SDC3: variants seen among roughly 807,000 people sequenced by gnomAD.
The protein encoded by SDC3 is syndecan 3.
SDC3 carries 13 observed loss-of-function variants against 24.4 expected under a neutral mutation model. The ratio of observed to expected loss-of-function variants is 0.53; its 90% CI spans 0.35 to 0.85. The LOEUF (loss-of-function observed/expected upper bound fraction) is 0.85, where lower values mean the gene tolerates loss of function less well. Among genes scored for constraint, SDC3 ranks in the 40% least tolerant of loss-of-function variants. The pLI is 0.01. For synonymous variants in SDC3, 295 were observed against 260.9 expected (o/e 1.13, Z -1.26); for missense variants, 571 against 584.5 (o/e 0.98, Z 0.24).
intron 3 of SDC3, among the ~76,000 whole-genome samples, chr1:30,874,988 A>G (rs181020530): frequency 6.6e-6 from 1 of 152,310 alleles, no homozygotes; most frequent in African/African-American, 2.4e-5. Flanking sequence ...CTGGGTGCAG[A>G]TGCTATGGAT....
At chr1:30,873,625 G>A (rs866449881) in intron 4 of SDC3, among the ~76,000 whole-genome samples, 2 of 152,044 alleles carry the variant, frequency 1.3e-5, no homozygotes, top group Admixed American at 6.5e-5. Context: ...GGGGTCATCT[G>A]AGGGCTTCAT....
At chr1:30,875,190 G>T (rs1427492259) in intron 3 of SDC3, among the ~76,000 whole-genome samples, 1 of 152,192 alleles carries the variant, frequency 6.6e-6, no homozygotes, top group Non-Finnish European at 1.5e-5. Context: ...AGACCAAAGT[G>T]GGGGCTGTGG....
chr1:30,874,197 T>G, intron 4 of SDC3, 100 bp downstream of exon 4: 1 of 982,164 alleles, frequency 1.0e-6, no homozygotes, highest in Non-Finnish European at 1.5e-6. Context: ...AACCACGCCC[T>G]GATCTCCTTT....
chr1:30,877,154 C>T lies in SDC3; in HGVS notation c.268G>A (p.Glu90Lys). 6.2e-7 allele frequency: 1 copy of T among 1,613,878 alleles called. No homozygotes were observed. Among genetic ancestry groups the T allele is most frequent in the African/African-American group, 1.3e-5 (1 of 75,014 alleles). Residue 90 changes from glutamate (E) to lysine (K), a missense_variant, in exon 3 of 5, where the codon GAG (glutamate) becomes AAG (lysine). Transcript: ENST00000339394. ...CGCATGGCTGTCTCAATGCCCGACTCCTGCTCGAAGTCTGAGGGGGTGGGG... is the reference window on the plus strand; with the variant it reads ...CGCATGGCTGTCTCAATGCCCGACTTCTGCTCGAAGTCTGAGGGGGTGGGG... ...SGSGSGYFEQ[E>K]SGIETAMRFS...
At chr1:30,900,346 G>C (rs992641736) in intron 1 of SDC3, among the ~76,000 whole-genome samples, 5 of 152,196 alleles carry the variant, frequency 3.3e-5, no homozygotes, top group Admixed American at 2.6e-4. Flanking sequence ...ATCTGTGCTT[G>C]TGTCTGTCTC....
In SDC3 at chr1:30,870,431, T is replaced by TC. The variant is rs992161274; in HGVS notation, c.*2779dup. 1 of 152,778 alleles carries TC rather than the reference T, an allele frequency of 6.5e-6. No homozygotes were observed. Among genetic ancestry groups the TC allele is most frequent in the African/African-American group, 2.4e-5 (1 of 41,438 alleles). 9.5% of individuals were successfully genotyped at this position (152,778 alleles called of 1,614,324 possible). On this transcript the variant is annotated 3_prime_UTR_variant, in exon 5 of 5. Coordinates refer to ENST00000339394, the MANE Select transcript of SDC3 (RefSeq NM_014654.4). ...TGCTTCCAGCAAATGCCAAAGCCCC[T>TC]CAGAACACTCCATCACAGGCAGGGG...
chr1:30,877,919 C>G (rs1022211055), intron 2 of SDC3: 2 of 152,574 alleles, frequency 1.3e-5, no homozygotes, highest in African/African-American at 4.8e-5. Flanking sequence ...GGAGCCAGCT[C>G]TGTGGCGTGC....
intron 1 of SDC3, chr1:30,880,897 A>T (rs1352016084): frequency 1.3e-5 from 2 of 151,928 alleles, no homozygotes; most frequent in African/African-American, 4.8e-5. Flanking sequence ...CCCTTAAAGG[A>T]GAACTGAATC....
In SDC3 at chr1:30,873,347, A is replaced by G; in HGVS notation, c.1193T>C (p.Leu398Pro). The G allele has an allele frequency of 1.2e-6, 2 of 1,613,914 alleles. No individual in the cohort carries two copies. The highest frequency in any genetic ancestry group is 1.7e-6 in the Non-Finnish European group (2 of 1,179,822). Residue 398 changes from leucine to proline, a missense_variant, in exon 5 of 5, where the codon CTC becomes CCC. Leu to Pro is a moderately conservative substitution (Grantham distance 98). Transcript: ENST00000339394. ...CAGTGTGACCAAGAAGGCAGCAAAGAGGGCGCCCACCACCCCGCCCACAAT... is the reference window on the plus strand; with the variant it reads ...CAGTGTGACCAAGAAGGCAGCAAAGGGGGCGCCCACCACCCCGCCCACAAT... ...AVIVGGVVGA[L>P]FAAFLVTLLI... is the part of the protein sequence containing the mutation.
At chr1:30,891,223 C>G (rs1227407588) in intron 1 of SDC3, among the ~76,000 whole-genome samples, 3 of 152,230 alleles carry the variant, frequency 2.0e-5, no homozygotes, top group African/African-American at 7.2e-5. Context: ...AATTTTAACT[C>G]AAGTCCATCT....
chr1:30,878,883 C>A (rs572578466), intron 1 of SDC3, 143 bp from the exon 2 acceptor site: 3 of 667,390 alleles, frequency 4.5e-6, no homozygotes, highest in Admixed American at 2.4e-5. Flanking sequence ...AAGGAAAGTG[C>A]GTGTGTGAAT....
chr1:30,905,384 C>T (rs1638500337), intron 1 of SDC3, among the ~76,000 whole-genome samples: 1 of 144,002 alleles, frequency 6.9e-6, no homozygotes, highest in Non-Finnish European at 1.5e-5. Flanking sequence ...CACACACACA[C>T]ACACGTCTCC....
At chr1:30,903,958 T>C (rs1198132849) in intron 1 of SDC3, among the ~76,000 whole-genome samples, 1 of 152,060 alleles carries the variant, frequency 6.6e-6, no homozygotes, top group African/African-American at 2.4e-5. Flanking sequence ...GGGTTGTGGC[T>C]CACAACTGTA....
At chr1:30,902,792 G>A (rs1042476117) in intron 1 of SDC3, among the ~76,000 whole-genome samples, 10 of 152,220 alleles carry the variant, frequency 6.6e-5, no homozygotes, top group Non-Finnish European at 1.5e-5. Context: ...GCAGCCCCCT[G>A]GCGCCTCCCA....
At chr1:30,883,041 C>T (rs1029736212) in intron 1 of SDC3, among the ~76,000 whole-genome samples, 6 of 152,162 alleles carry the variant, frequency 3.9e-5, no homozygotes, top group Non-Finnish European at 7.3e-5. Flanking sequence ...ATTATTATTT[C>T]GAAGCCTTTA....
At chr1:30,888,556 AC>A (rs1329112181) in intron 1 of SDC3, among the ~76,000 whole-genome samples, 2 of 151,874 alleles carry the variant, frequency 1.3e-5, no homozygotes, top group South Asian at 4.2e-4. Context: ...CTGAGCATAC[AC>A]CCTGGGCACA....
In SDC3 at chr1:30,873,045, G is replaced by C. The variant is rs3766285; in HGVS notation, c.*166C>G. ...CAGATGGCAGCAGCCCCTCTTCCTC[G>C]GGGAAGATCTGTGTGAGGCTGGCAG... On this transcript the variant is annotated 3_prime_UTR_variant, in exon 5 of 5. Coordinates refer to ENST00000339394, the MANE Select transcript of SDC3 (RefSeq NM_014654.4). 4.7e-6 allele frequency: 3 copies of C among 643,444 alleles called. No individual in the cohort carries two copies. Among genetic ancestry groups the C allele is most frequent in the East Asian group, 2.6e-5 (1 of 38,500 alleles). The allele number at this position is 643,444 out of a possible 1,614,324, so 39.9% of individuals were successfully genotyped here. A position where few individuals can be genotyped will look rare whatever the true frequency, so the allele number is the denominator to read the frequency against.
intron 1 of SDC3, among the ~76,000 whole-genome samples, chr1:30,880,262 G>GGA (rs1639722576): frequency 6.6e-6 from 1 of 151,808 alleles, no homozygotes; most frequent in South Asian, 2.1e-4. Context: ...TACAGGAGAG[G>GGA]GAGAGATCAC....
In SDC3 at chr1:30,908,696, G is replaced by A. The variant is rs1168960669; in HGVS notation, c.-110C>T. The A allele has an allele frequency of 1.4e-5, 4 of 288,770 alleles. No homozygotes were observed. Among genetic ancestry groups the A allele is most frequent in the South Asian group, 1.3e-4 (1 of 7,512 alleles). The allele number at this position is 288,770 out of a possible 1,614,324, so 17.9% of individuals were successfully genotyped here. Reference sequence around the variant, plus strand: ...GGCGCGGCCCGGCGGCTGGACCGACGCGCTCTAGGCTCGCGGGCTCCCGGC... The same window carrying A: ...GGCGCGGCCCGGCGGCTGGACCGACACGCTCTAGGCTCGCGGGCTCCCGGC... On this transcript the variant is annotated 5_prime_UTR_variant, in exon 1 of 5. Coordinates refer to ENST00000339394, the MANE Select transcript of SDC3 (RefSeq NM_014654.4).
Sources: gnomAD v4.1 joint callset for allele counts (sites outside exome capture counted in the v4.1 genomes callset) on GRCh38, gnomAD v4.1.1 for gene constraint, MANE v1.5 for transcripts, NCBI Gene and HGNC (gene_info 2026-07-23, HGNC 2026-07-21) for gene names.